The following SMPD4 variants were observed in gnomAD, a reference collection of about 807,000 sequenced individuals.
The protein encoded by SMPD4 is neutral sphingomyelinase 3.
A neutral mutation model predicts 97.8 loss-of-function variants in SMPD4; 58 were observed. The observed-to-expected ratio is 0.59, with a 90% CI of 0.48 to 0.74. The LOEUF is 0.74. Ranked by LOEUF, SMPD4 falls within the 30% of genes least tolerant of loss-of-function variation. SMPD4 has a pLI of 0.00. For synonymous variants in SMPD4, 388 were observed against 450.0 expected, an observed-to-expected ratio of 0.86 and a Z score of 1.74; for missense variants, 853 against 1,080.5, an observed-to-expected ratio of 0.79 and a Z score of 2.95.
intron 4 of SMPD4, 79 bp from the exon 5 acceptor site, chr2:130,173,433 T>C: frequency 1.3e-6 from 2 of 1,594,506 alleles, no homozygotes; most frequent in East Asian, 2.2e-5. Context: ...TTTCTTAATC[T>C]TGAGAAATTC....
At chr2:130,161,420 A>G (rs1687400528) in intron 10 of SMPD4, 148 bp from the exon 11 acceptor site, 2 of 685,162 alleles carry the variant, frequency 2.9e-6, no homozygotes, top group East Asian at 2.7e-5. Flanking sequence ...GAGTGAGGAG[A>G]AAAAAACAAA....
At chr2:130,154,814 G>T (rs1158278199) in intron 15 of SMPD4, 43 of 598,594 alleles carry the variant, frequency 7.2e-5, no homozygotes, top group Admixed American at 5.1e-4. Context: ...TTGCCAGGGA[G>T]AAACAGCGGG....
rs757743537 is a variant in SMPD4, at chr2:130,181,562, A to C, written c.-78T>G. 1 of 1,606,524 alleles carries C rather than the reference A, an allele frequency of 6.2e-7. No homozygotes were observed. Among genetic ancestry groups the C allele is most frequent in the African/African-American group, 1.3e-5 (1 of 74,872 alleles). ...ATCCATAGCGTCGCTCGCCTCAGAG[A>C]TGGAAGCCGCCATTCCGCCACGGCG... On this transcript the variant is annotated 5_prime_UTR_variant, in exon 1 of 20. Transcript: ENST00000680298.
chr2:130,169,397 C>T (rs999434471), intron 8 of SMPD4, among the ~76,000 whole-genome samples: 12 of 152,038 alleles, frequency 7.9e-5, no homozygotes, highest in African/African-American at 2.7e-4. Context: ...ATAATGCATT[C>T]GCTTCTAGGA....
chr2:130,166,250 A>T (rs553239426), intron 9 of SMPD4, among the ~76,000 whole-genome samples: 137 of 145,442 alleles, frequency 9.4e-4, no homozygotes, highest in Admixed American at 2.6e-3. Flanking sequence ...TGAAGGTTGC[A>T]CAGAGCCAAG....
chr2:130,157,157 C>T (rs1686890642), intron 12 of SMPD4, 94 bp downstream of exon 12: 1 of 1,481,420 alleles, frequency 6.8e-7, no homozygotes, highest in Non-Finnish European at 9.1e-7. Context: ...CTCACCCTGC[C>T]CTCCATGCCC....
chr2:130,157,265 CA>C lies in SMPD4; in HGVS notation c.1082del (p.Leu361ArgfsTer42), dbSNP rs1295216299. 1.3e-6 allele frequency: 2 copies of C among 1,548,374 alleles called. No individual in the cohort carries two copies. The highest frequency in any genetic ancestry group is 1.2e-5 in the South Asian group (1 of 83,676). ...PSAHSHATSP[L>X]EEFKRAAVPR... ...GGGCCACCCACCGTTTGAACTCCTC[CA>C]GGGGGCTGGTGGCGTGGGAGTGGGC... On this transcript the variant is annotated frameshift_variant, in exon 12 of 20. Coordinates refer to ENST00000680298, the MANE Select transcript of SMPD4 (RefSeq NM_017951.5). LOFTEE classifies it high-confidence loss of function.
chr2:130,157,719 C>T (rs916271652), intron 11 of SMPD4: 23 of 386,244 alleles, frequency 6.0e-5, no homozygotes, highest in Middle Eastern at 8.2e-4. Context: ...GCTGCAAATC[C>T]GCAGCGGGTG....
At chr2:130,158,630 C>T (rs1237925903) in intron 11 of SMPD4, among the ~76,000 whole-genome samples, 3 of 152,140 alleles carry the variant, frequency 2.0e-5, no homozygotes, top group Non-Finnish European at 2.9e-5. Context: ...GAGATCTAGC[C>T]GGAGAGGAAA....
At chr2:130,159,812 T>A (rs905671356) in intron 11 of SMPD4, among the ~76,000 whole-genome samples, 10 of 151,972 alleles carry the variant, frequency 6.6e-5, no homozygotes, top group Non-Finnish European at 1.5e-4. Flanking sequence ...AGCCGTAACA[T>A]CCTTCCTGCA....
intron 10 of SMPD4, 57 bp from the exon 11 acceptor site, chr2:130,161,329 T>C (rs569157966): frequency 2.0e-6 from 3 of 1,484,228 alleles, no homozygotes. Context: ...GACAAGAGAA[T>C]GGGGTGGGGA....
At chr2:130,179,637 C>T (rs1418736069) in intron 1 of SMPD4, among the ~76,000 whole-genome samples, 1 of 152,042 alleles carries the variant, frequency 6.6e-6, no homozygotes, top group Non-Finnish European at 1.5e-5. Context: ...TCCGCTGCCT[C>T]AGCCTCCCAA....
rs200445378 is a variant in SMPD4 at position 130,156,082 on chromosome 2, C to T, written c.1242G>A (p.Lys414=). 6 of 1,611,368 alleles carry T rather than the reference C, an allele frequency of 3.7e-6. No individual in the cohort carries two copies. Among genetic ancestry groups the T allele is most frequent in the South Asian group, 2.2e-5 (2 of 91,004 alleles). ...GCTGGGAGTCGCTGCCCGGAGCCTGCTTGTCAGGCGCGTACCGCCACGGCT... is the reference window on the plus strand; with the variant it reads ...GCTGGGAGTCGCTGCCCGGAGCCTGTTTGTCAGGCGCGTACCGCCACGGCT... ...YLQPWRYAPD[K]QAPGSDSQPR... is the part of the protein sequence containing the mutation. The change falls in exon 14 of 20, where the codon AAG becomes AAA. Residue 414 remains lysine, a synonymous_variant. Transcript: ENST00000680298.
At chr2:130,153,266 C>G (rs1686410701) in intron 18 of SMPD4, 53 bp downstream of exon 18, 2 of 1,612,668 alleles carry the variant, frequency 1.2e-6, no homozygotes, top group African/African-American at 1.3e-5. Context: ...GAGGAGGGAG[C>G]TGGGGACGGG....
intron 9 of SMPD4, among the ~76,000 whole-genome samples, chr2:130,165,133 A>C (rs1314516011): frequency 6.8e-6 from 1 of 147,856 alleles, no homozygotes; most frequent in Non-Finnish European, 1.5e-5. Context: ...AAAAAAAAAA[A>C]AAAAGGGCTG....
Position 130,174,970 on chromosome 2 carries a change from G to C in SMPD4, c.70C>G (p.Pro24Ala). Reference protein sequence around the residue: ...ASLKADSINKPFAQQCQDLVK... With the variant: ...ASLKADSINKAFAQQCQDLVK... ...AAGTCTTGGCACTGCTGTGCAAAGG[G>C]CTTATTTATAGAGTCAGCTTTCAGG... Residue 24 changes from proline (P) to alanine (A), a missense_variant, in exon 3 of 20, where the codon CCC becomes GCC. This residue lies in a region of SMPD4 where 313 missense variants were observed against 402.2 expected (regional missense o/e 0.78). Coordinates refer to ENST00000680298, the MANE Select transcript of SMPD4 (RefSeq NM_017951.5). 1 of 1,608,744 alleles carries C rather than the reference G, an allele frequency of 6.2e-7. No individual in the cohort carries two copies. The highest frequency in any genetic ancestry group is 8.5e-7 in the Non-Finnish European group (1 of 1,175,434).
chr2:130,168,514 A>C (rs1050062915), intron 8 of SMPD4, among the ~76,000 whole-genome samples: 1 of 134,388 alleles, frequency 7.4e-6, no homozygotes, highest in African/African-American at 3.0e-5. Flanking sequence ...CTTCCCGGTA[A>C]ATTCTCGTTA....
chr2:130,169,580 CCT>C (rs1258300190), intron 8 of SMPD4, among the ~76,000 whole-genome samples: 3 of 149,576 alleles, frequency 2.0e-5, no homozygotes, highest in Admixed American at 6.6e-5. Context: ...TTTTTTTTTC[CCT>C]GAGACAGGAT....
intron 8 of SMPD4, among the ~76,000 whole-genome samples, chr2:130,169,751 G>A (rs942847781): frequency 1.4e-4 from 21 of 151,822 alleles, no homozygotes; most frequent in African/African-American, 4.4e-4. Flanking sequence ...GAGGTCTCCC[G>A]ACGTTGCCCA....
Sources: gnomAD v4.1 joint callset for allele counts (sites outside exome capture counted in the v4.1 genomes callset) on GRCh38, gnomAD v4.1.1 for gene constraint, gnomAD v4.1.1 regional missense constraint, MANE v1.5 for transcripts, NCBI Gene and HGNC (gene_info 2026-07-23, HGNC 2026-07-21) for gene names.